The following SAP30BP variants were observed in gnomAD, a reference collection of about 807,000 sequenced individuals.
The protein encoded by SAP30BP is SAP30 binding protein, also known as SAP30-binding protein.
SAP30BP carries 31 observed loss-of-function variants against 46.3 expected under a neutral mutation model. The ratio of observed to expected loss-of-function variants is 0.67; its 90% CI spans 0.50 to 0.90. SAP30BP has a LOEUF of 0.90. Ranked by LOEUF, SAP30BP falls within the 40% of genes least tolerant of loss-of-function variation. The pLI, the probability that SAP30BP is intolerant of heterozygous loss-of-function variation, is 0.00. For synonymous variants in SAP30BP, 169 were observed against 144.2 expected (o/e 1.17, Z -1.23); for missense variants, 312 against 391.0 (o/e 0.80, Z 1.70).
chr17:75,677,252 G>A (rs866013268), intron 3 of SAP30BP, among the ~76,000 whole-genome samples: 4 of 150,436 alleles, frequency 2.7e-5, no homozygotes, highest in Non-Finnish European at 3.0e-5. Context: ...ATACAGGCAC[G>A]CGCCACCATG....
intron 3 of SAP30BP, chr17:75,672,295 G>A (rs572351669): frequency 4.2e-4 from 74 of 178,118 alleles, no homozygotes; most frequent in Non-Finnish European, 8.1e-4. Context: ...AGACCAAAAT[G>A]AGGCCTCTCC....
intron 3 of SAP30BP, among the ~76,000 whole-genome samples, chr17:75,682,961 CAAAAA>C (rs770262344): frequency 4.7e-5 from 3 of 64,126 alleles, no homozygotes; most frequent in Admixed American, 3.4e-4. Context: ...GACTTCGTCT[CAAAAA>C]AAAAAAAAAA....
At chr17:75,668,737 C>T (rs541238052) in intron 2 of SAP30BP, 112 bp downstream of exon 2, 14 of 681,338 alleles carry the variant, frequency 2.1e-5, no homozygotes, top group African/African-American at 5.7e-5. Flanking sequence ...CTTGCTCTCC[C>T]GTTTTGTTTT....
At chr17:75,687,523 A>G (rs1426839979) in intron 3 of SAP30BP, among the ~76,000 whole-genome samples, 1 of 151,826 alleles carries the variant, frequency 6.6e-6, no homozygotes, top group Non-Finnish European at 1.5e-5. Flanking sequence ...GGCTGAGGCA[A>G]GAGAATTGCT....
At chr17:75,668,240 T>G (rs2059836411) in intron 1 of SAP30BP, 1 of 366,976 alleles carries the variant, frequency 2.7e-6, no homozygotes, top group Non-Finnish European at 4.8e-6. Context: ...TGGTTTCCTA[T>G]AAACACTTTA....
At chr17:75,693,656 A>G (rs62090777) in intron 4 of SAP30BP, among the ~76,000 whole-genome samples, 174 bp downstream of exon 4, 8,740 of 152,284 alleles carry the variant, frequency 0.057, 363 homozygotes, top group Non-Finnish European at 0.086. Context: ...TGAGACGTCC[A>G]GGGAACAGTT....
At chr17:75,691,526 G>GAAGTGGC (rs1438960413) in intron 3 of SAP30BP, 2 of 453,792 alleles carry the variant, frequency 4.4e-6, no homozygotes, top group South Asian at 3.1e-5. Flanking sequence ...AGGAGGCCCT[G>GAAGTGGC]AAGTGGCAAG....
chr17:75,695,861 C>T (rs561383047), intron 4 of SAP30BP, among the ~76,000 whole-genome samples: 4 of 152,268 alleles, frequency 2.6e-5, no homozygotes, highest in South Asian at 2.1e-4. Flanking sequence ...TCCAGGGCCT[C>T]GCAGATGCCC....
chr17:75,703,787 C>A, intron 7 of SAP30BP, 21 bp from the exon 8 acceptor site: 1 of 1,609,910 alleles, frequency 6.2e-7, no homozygotes, highest in South Asian at 1.1e-5. Flanking sequence ...TCATCTGAGT[C>A]ATTCGCCTTT....
chr17:75,706,433 C>T lies in SAP30BP; in HGVS notation c.839C>T (p.Ala280Val). ...TILTTTATLP[A>V]VVTVTTSASG... is the part of the protein sequence containing the mutation. ...CTCACCACCACAGCCACCCTGCCAG[C>T]TGTTGTCACGGTCACCACCAGCGCC... Residue 280 changes from alanine to valine, a missense_variant, in exon 11 of 11, where the codon GCT becomes GTT. By Grantham distance (64) the Ala-to-Val change is moderately conservative. Coordinates refer to ENST00000584667, the MANE Select transcript of SAP30BP (RefSeq NM_013260.8). This position sits in a 1 kb window ranked among gnomAD's most constrained non-coding sequence, Gnocchi z 4.6. The T allele has an allele frequency of 6.2e-7, 1 of 1,614,190 alleles. No homozygotes were observed. Among genetic ancestry groups the T allele is most frequent in the Non-Finnish European group, 8.5e-7 (1 of 1,180,022 alleles).
chr17:75,705,745 T>G, intron 9 of SAP30BP: 15 of 1,044,866 alleles, frequency 1.4e-5, no homozygotes, highest in East Asian at 4.7e-5. Context: ...GGTGGGGCGG[T>G]GGGCGGGGGG....
At chr17:75,698,700 T>C (rs1227408408) in intron 4 of SAP30BP, among the ~76,000 whole-genome samples, 1 of 152,202 alleles carries the variant, frequency 6.6e-6, no homozygotes, top group Non-Finnish European at 1.5e-5. Context: ...GCTCATGTTG[T>C]GAGCCTATTG....
intron 4 of SAP30BP, among the ~76,000 whole-genome samples, chr17:75,696,243 TGTG>T (rs936300111): frequency 9.9e-5 from 15 of 151,998 alleles, no homozygotes; most frequent in African/African-American, 3.6e-4. Flanking sequence ...TTACAAGAAA[TGTG>T]GGGCTCAGCT....
At chr17:75,692,322 G>T in intron 3 of SAP30BP, 1 of 985,482 alleles carries the variant, frequency 1.0e-6, no homozygotes, top group Non-Finnish European at 1.2e-6. Context: ...GCGGAGCTCT[G>T]CACCTGTCCT....
At chr17:75,673,928 T>C (rs2059944494) in intron 3 of SAP30BP, among the ~76,000 whole-genome samples, 1 of 152,248 alleles carries the variant, frequency 6.6e-6, no homozygotes, top group Non-Finnish European at 1.5e-5. Context: ...CAAGTTTTAC[T>C]GTGGAATGAA....
intron 7 of SAP30BP, 181 bp downstream of exon 7, chr17:75,703,552 G>C (rs371747704): frequency 1.5e-6 from 1 of 648,488 alleles, no homozygotes; most frequent in Admixed American, 2.7e-5. Context: ...AAGAGATTCC[G>C]GTGGCCGGCC....
At chr17:75,680,688 G>A (rs2060063422) in intron 3 of SAP30BP, among the ~76,000 whole-genome samples, 1 of 152,178 alleles carries the variant, frequency 6.6e-6, no homozygotes, top group Non-Finnish European at 1.5e-5. Flanking sequence ...CGATTTCTCG[G>A]CTCACTGCCC....
chr17:75,701,732 C>G (rs1599168014), intron 5 of SAP30BP, among the ~76,000 whole-genome samples: 1 of 152,346 alleles, frequency 6.6e-6, no homozygotes, highest in South Asian at 2.1e-4. Context: ...CTGTGGCTCA[C>G]AGTTCTGCTG....
At chr17:75,705,589 C>G (rs1294989323) in intron 9 of SAP30BP, 1 of 1,028,182 alleles carries the variant, frequency 9.7e-7, no homozygotes, top group Non-Finnish European at 1.2e-6. Flanking sequence ...CTCTCTCTTT[C>G]CCTCTCCCTT....
Sources: gnomAD v4.1 joint callset for allele counts (sites outside exome capture counted in the v4.1 genomes callset) on GRCh38, gnomAD v4.1.1 for gene constraint, Gnocchi (gnomAD v3.1) non-coding constraint, MANE v1.5 for transcripts, NCBI Gene and HGNC (gene_info 2026-07-23, HGNC 2026-07-21) for gene names.